TDP1: variants seen among roughly 807,000 people sequenced by gnomAD.
TDP1 encodes the protein tyrosyl-DNA phosphodiesterase 1.
A neutral mutation model predicts 81.5 loss-of-function variants in TDP1; 64 were observed. The ratio of observed to expected loss-of-function variants is 0.79; its 90% CI spans 0.64 to 0.97. TDP1 has a LOEUF of 0.97. TDP1 is among the 50% of genes least tolerant of loss of function. The pLI is 0.00. For synonymous variants in TDP1, 256 were observed against 264.3 expected (o/e 0.97, Z 0.30); for missense variants, 723 against 743.8 (o/e 0.97, Z 0.33).
At chr14:89,999,211 C>T (rs1311354574) in intron 14 of TDP1, among the ~76,000 whole-genome samples, 1 of 152,160 alleles carries the variant, frequency 6.6e-6, no homozygotes, top group South Asian at 2.1e-4. Context: ...GAAAAAAATG[C>T]CTTATACATT....
chr14:90,037,941 A>G (rs528685014), intron 16 of TDP1, among the ~76,000 whole-genome samples: 54 of 152,202 alleles, frequency 3.5e-4, no homozygotes, highest in Non-Finnish European at 6.8e-4. Flanking sequence ...AGCATGGACC[A>G]GTTATTTTAT....
chr14:90,033,006 A>G (rs35085828), intron 15 of TDP1, 100 bp from the exon 16 acceptor site: 1 of 1,151,376 alleles, frequency 8.7e-7, no homozygotes. Flanking sequence ...AATTTTATTT[A>G]GGTACCATAA....
At chr14:90,025,387 A>AT (rs892223109) in intron 15 of TDP1, among the ~76,000 whole-genome samples, 4 of 151,702 alleles carry the variant, frequency 2.6e-5, no homozygotes, top group African/African-American at 7.3e-5. Flanking sequence ...ATGTGTTCCT[A>AT]TTTTTTTTCT....
intron 15 of TDP1, among the ~76,000 whole-genome samples, chr14:90,028,322 T>G (rs553420651): frequency 6.6e-6 from 1 of 152,378 alleles, no homozygotes; most frequent in East Asian, 1.9e-4. Context: ...TTTTACCACT[T>G]GAGGTTGCTA....
intron 13 of TDP1, among the ~76,000 whole-genome samples, chr14:89,992,540 C>G (rs1896305052): frequency 6.6e-6 from 1 of 152,164 alleles, no homozygotes; most frequent in African/African-American, 2.4e-5. Context: ...GTTTGCTGTG[C>G]TGGTTAGCCA....
intron 14 of TDP1, among the ~76,000 whole-genome samples, chr14:90,007,523 A>G (rs1884175915): frequency 6.6e-6 from 1 of 152,074 alleles, no homozygotes; most frequent in Non-Finnish European, 1.5e-5. Flanking sequence ...CAGGAAGCAG[A>G]GGTGGCAGTG....
intron 12 of TDP1, among the ~76,000 whole-genome samples, chr14:89,990,525 T>C (rs1005941170): frequency 8.0e-5 from 12 of 149,960 alleles, no homozygotes; most frequent in African/African-American, 3.0e-4. Flanking sequence ...AAAATTTCGC[T>C]AGCGTTTGGA....
At chr14:89,998,424 G>GTATATATATA (rs1896889783) in intron 14 of TDP1, among the ~76,000 whole-genome samples, 1 of 78,534 alleles carries the variant, frequency 1.3e-5, no homozygotes, top group African/African-American at 6.3e-5. Flanking sequence ...ATATATATAT[G>GTATATATATA]TATGTATGTA....
chr14:90,043,241 T>A lies in TDP1; in HGVS notation c.*98T>A. On this transcript the variant is annotated 3_prime_UTR_variant, in exon 17 of 17. Coordinates refer to ENST00000335725, the MANE Select transcript of TDP1 (RefSeq NM_018319.4). ...ATGTCCACTTCCCTTAAAGTCTTAT[T>A]TGCACCCTTACAAAATCTTTCCAAA... 1 of 1,475,176 alleles carries A rather than the reference T, an allele frequency of 6.8e-7. No homozygotes were observed. The highest frequency in any genetic ancestry group is 2.3e-5 in the East Asian group (1 of 43,492). 91.4% of individuals were successfully genotyped at this position (1,475,176 alleles called of 1,614,324 possible).
At chr14:89,956,036 G>A (rs1385827586) in intron 1 of TDP1, 66 bp downstream of exon 1, 2 of 152,832 alleles carry the variant, frequency 1.3e-5, no homozygotes, top group Non-Finnish European at 1.5e-5. Context: ...TCGGGCCCGG[G>A]ATCCTGCTCC....
intron 14 of TDP1, among the ~76,000 whole-genome samples, chr14:89,995,498 G>A (rs1896586080): frequency 6.6e-6 from 1 of 152,168 alleles, no homozygotes; most frequent in Admixed American, 6.5e-5. Flanking sequence ...TATAAAAGAG[G>A]AAAAGGACAT....
At chr14:89,991,804 A>G in intron 12 of TDP1, 113 bp from the exon 13 acceptor site, 1 of 1,242,234 alleles carries the variant, frequency 8.1e-7, no homozygotes, top group South Asian at 1.4e-5. Flanking sequence ...ATGAAGTAAT[A>G]GAAGTAGTTT....
At chr14:90,042,007 T>C (rs2140358846) in intron 16 of TDP1, among the ~76,000 whole-genome samples, 1 of 152,322 alleles carries the variant, frequency 6.6e-6, no homozygotes. Flanking sequence ...CTTGATGCCA[T>C]AACCCACATG....
At chr14:90,037,685 T>G (rs1295795456) in intron 16 of TDP1, among the ~76,000 whole-genome samples, 1 of 152,198 alleles carries the variant, frequency 6.6e-6, no homozygotes, top group Non-Finnish European at 1.5e-5. Context: ...CGTGATGTCC[T>G]TTTATCCCTA....
intron 11 of TDP1, chr14:89,989,503 A>T: frequency 1.1e-6 from 1 of 870,092 alleles, no homozygotes; most frequent in Non-Finnish European, 1.4e-6. Flanking sequence ...AGGAAAAAAT[A>T]CTCCAATTGA....
intron 9 of TDP1, 35 bp downstream of exon 9, chr14:89,984,718 A>G (rs1895364598): frequency 6.2e-7 from 1 of 1,610,390 alleles, no homozygotes; most frequent in African/African-American, 1.3e-5. Flanking sequence ...GGTGCTTATG[A>G]TAGGCTTATA....
intron 6 of TDP1, among the ~76,000 whole-genome samples, chr14:89,972,530 C>T (rs1893781952): frequency 6.8e-6 from 1 of 148,074 alleles, no homozygotes; most frequent in Non-Finnish European, 1.5e-5. Flanking sequence ...TAATTTTGTC[C>T]TAATACTTTG....
intron 15 of TDP1, among the ~76,000 whole-genome samples, chr14:90,020,961 A>G (rs548457072): frequency 6.6e-6 from 1 of 151,394 alleles, no homozygotes; most frequent in East Asian, 2.0e-4. Flanking sequence ...ACGTCCAGCT[A>G]ATTTTTGTAT....
chr14:89,993,135 A>G, intron 13 of TDP1: 1 of 984,462 alleles, frequency 1.0e-6, no homozygotes, highest in East Asian at 1.1e-4. Context: ...GTTCATGGCA[A>G]AAATGGAAAG....
Sources: gnomAD v4.1 joint callset for allele counts (sites outside exome capture counted in the v4.1 genomes callset) on GRCh38, gnomAD v4.1.1 for gene constraint, MANE v1.5 for transcripts, NCBI Gene and HGNC (gene_info 2026-07-23, HGNC 2026-07-21) for gene names.